The following TIAM2 variants were observed in gnomAD, a reference collection of about 807,000 sequenced individuals.
The protein encoded by TIAM2 is rho guanine nucleotide exchange factor TIAM2.
Under a neutral mutation model 152.9 loss-of-function variants are expected in TIAM2, and 80 were observed. The observed-to-expected ratio is 0.52, with a 90% CI of 0.44 to 0.63. The LOEUF (loss-of-function observed/expected upper bound fraction) is 0.63. Among genes scored for constraint, TIAM2 ranks in the 30% least tolerant of loss-of-function variants. The pLI, the probability that TIAM2 is intolerant of heterozygous loss-of-function variation, is 0.00. For missense variants in TIAM2, 1,965 were observed against 2,120.1 expected (o/e 0.93, Z 1.44); for synonymous variants, 804 against 838.0 (o/e 0.96, Z 0.70).
intron 1 of TIAM2, among the ~76,000 whole-genome samples, chr6:155,011,418 T>C (rs927375249): frequency 4.2e-3 from 14 of 3,370 alleles, no homozygotes; most frequent in African/African-American, 6.3e-3. Context: ...CTGTGGCTTC[T>C]CAATTTTCAT....
chr6:155,240,447 G>A lies in TIAM2; in HGVS notation c.3169-83G>A, dbSNP rs760511746. 7.3e-5 allele frequency: 105 copies of A among 1,440,082 alleles called. 1 individual carries two copies. The highest frequency in any genetic ancestry group is 9.5e-5 in the Non-Finnish European group (101 of 1,068,528). The allele number at this position is 1,440,082 out of a possible 1,614,324, so 89.2% of individuals were successfully genotyped here. On this transcript the variant is annotated intron_variant, in intron 15 of 26. Transcript: ENST00000682666. ...TCTGAGATCCCTGCTGAGCACAGAC[G>A]GAGACACTTGGTGCCCTTGGGGGCA...
intron 19 of TIAM2, among the ~76,000 whole-genome samples, chr6:155,246,126 A>C (rs1429427389): frequency 6.6e-6 from 1 of 151,216 alleles, no homozygotes; most frequent in Non-Finnish European, 1.5e-5. Context: ...ACAGCCTACC[A>C]CGAAACTCAC....
At chr6:155,178,899 C>A in intron 10 of TIAM2, 140 bp from the exon 11 acceptor site, 1 of 683,798 alleles carries the variant, frequency 1.5e-6, no homozygotes. Context: ...TAAATTCGAG[C>A]TCTTATATAG....
At chr6:155,103,455 A>G (rs906354734) in intron 2 of TIAM2, among the ~76,000 whole-genome samples, 1 of 151,334 alleles carries the variant, frequency 6.6e-6, no homozygotes. Flanking sequence ...CGGGCGCGGT[A>G]GCTCACGCCT....
At chr6:155,040,026 C>A (rs1776991355) in intron 1 of TIAM2, among the ~76,000 whole-genome samples, 2 of 152,100 alleles carry the variant, frequency 1.3e-5, no homozygotes, top group Admixed American at 1.3e-4. Flanking sequence ...TACAAAGTGA[C>A]CCTTGACCAA....
intron 10 of TIAM2, among the ~76,000 whole-genome samples, chr6:155,177,948 T>C (rs111667204): frequency 0.024 from 3,666 of 151,746 alleles, 138 homozygotes; most frequent in African/African-American, 0.082. Flanking sequence ...GCCGAGGAGG[T>C]CAGGAGATCG....
Position 155,183,430 on chromosome 6 carries a change from G to A in TIAM2, c.2994G>A (p.Leu998=), listed in dbSNP as rs142130168. Residue 998 remains leucine, a synonymous_variant, in exon 14 of 27, where the codon CTG becomes CTA. Coordinates refer to ENST00000682666, the MANE Select transcript of TIAM2 (RefSeq NM_012454.4). ...TGTTCTCCAGGGACCAGAAGAGTCT[G>A]CTGCCCCCTCCTAACCAGTCCCAAC... is the stretch of plus-strand genomic sequence containing the variant. ...SDLFSRDQKS[L]LPPPNQSQLL... The A allele has an allele frequency of 2.2e-4, 358 of 1,614,136 alleles. No homozygotes were observed. In the African/African-American group the frequency reaches 3.9e-3, roughly 18 times the overall value.
rs562964282 is a variant in TIAM2 at position 155,145,572 on chromosome 6, G to A, written c.1803+794G>A. Among the ~76,000 whole-genome samples, 23 of 152,242 alleles carry A rather than the reference G, an allele frequency of 1.5e-4. No homozygotes were observed. The East Asian group carries it at 4.4e-3, about 29-fold the overall frequency. On this transcript the variant is annotated intron_variant, in intron 6 of 26. Coordinates refer to ENST00000682666, the MANE Select transcript of TIAM2 (RefSeq NM_012454.4). ...ATTAATTCAGAACAGGTGAGAGTGA[G>A]AGCTGGGAAGTGAAGTGTGCTTCTT...
In TIAM2 at chr6:155,164,521, T is replaced by C; in HGVS notation, c.2135T>C (p.Leu712Pro). The C allele has an allele frequency of 6.2e-7, 1 of 1,614,120 alleles. No individual in the cohort carries two copies. The highest frequency in any genetic ancestry group is 8.5e-7 in the Non-Finnish European group (1 of 1,180,020). Reference protein sequence around the residue: ...QGGELPNPKSLLAAASRPSKL... With the variant: ...QGGELPNPKSPLAAASRPSKL... ...GGGGAGTTACCGAACCCAAAGAGTC[T>C]CCTTGCAGCCGCCAGCCGCCCCTCC... is the stretch of plus-strand genomic sequence containing the variant. The change falls in exon 8 of 27, where the codon CTC becomes CCC. Residue 712 changes from leucine (L) to proline (P), a missense_variant. Around this residue, in one of 3 missense-constraint regions of TIAM2, gnomAD observed 1,025 missense variants for 1,119.4 expected, o/e 0.92. Transcript: ENST00000682666.
At chr6:155,206,152 C>A (rs1781588984) in intron 14 of TIAM2, among the ~76,000 whole-genome samples, 1 of 152,208 alleles carries the variant, frequency 6.6e-6, no homozygotes, top group Non-Finnish European at 1.5e-5. Flanking sequence ...GATGTGTTCC[C>A]CAGTTGTCTG....
intron 1 of TIAM2, among the ~76,000 whole-genome samples, chr6:155,063,218 A>G (rs577795712): frequency 1.3e-5 from 2 of 152,292 alleles, no homozygotes; most frequent in African/African-American, 4.8e-5. Context: ...ATGCAGTAAC[A>G]AGATCTCTGC....
chr6:155,077,141 C>T (rs1424921250), intron 1 of TIAM2, among the ~76,000 whole-genome samples: 3 of 151,918 alleles, frequency 2.0e-5, no homozygotes, highest in Admixed American at 1.3e-4. Flanking sequence ...GTTCTATAAA[C>T]TCCTAAAGCA....
At chr6:155,247,302 G>T (rs776316667) in intron 19 of TIAM2, among the ~76,000 whole-genome samples, 1 of 152,154 alleles carries the variant, frequency 6.6e-6, no homozygotes, top group Non-Finnish European at 1.5e-5. Flanking sequence ...ATGGTGTAGG[G>T]TCTGGATAAC....
rs17086032 is a variant in TIAM2 at position 155,177,041 on chromosome 6, T to C, written c.2523+64T>C. ...AATAATCATTAATGTTGCAATCTTA[T>C]GCCTTCTAAATTCATGTGATATTCA... On this transcript the variant is annotated intron_variant, in intron 10 of 26. Transcript: ENST00000682666. The C allele has an allele frequency of 4.8e-3, 7,381 of 1,525,132 alleles. 274 individuals carry two copies. In the African/African-American group the frequency reaches 0.082, roughly 17 times the overall value. 94.5% of individuals were successfully genotyped at this position (1,525,132 alleles called of 1,614,324 possible).
At chr6:155,155,334 G>A (rs542078752) in intron 7 of TIAM2, among the ~76,000 whole-genome samples, 3 of 151,918 alleles carry the variant, frequency 2.0e-5, no homozygotes, top group South Asian at 2.1e-4. Flanking sequence ...GTGCCACTAC[G>A]TCCTGGTAAT....
Position 155,129,795 on chromosome 6 carries a change from G to T in TIAM2, c.572G>T (p.Cys191Phe). 2 of 1,613,696 alleles carry T rather than the reference G, an allele frequency of 1.2e-6. No individual in the cohort carries two copies. The highest frequency in any genetic ancestry group is 1.7e-6 in the Non-Finnish European group (2 of 1,180,020). ...CCCAGCAAAGTGCCTGCAGAGGACTGCAGTGAGCCGGTGCAGCTGCTGAGG... is the reference window on the plus strand; with the variant it reads ...CCCAGCAAAGTGCCTGCAGAGGACTTCAGTGAGCCGGTGCAGCTGCTGAGG... ...GNPSKVPAED[C>F]SEPVQLLRYS... The change falls in exon 4 of 27, where the codon TGC becomes TTC. Residue 191 changes from cysteine (C) to phenylalanine (F), a missense_variant. Coordinates refer to ENST00000682666, the MANE Select transcript of TIAM2 (RefSeq NM_012454.4). The surrounding 1 kb of genome is among the most constrained non-coding windows in gnomAD (Gnocchi z 4.8).
At chr6:155,031,016 T>G (rs1319419950) in intron 1 of TIAM2, among the ~76,000 whole-genome samples, 1 of 152,218 alleles carries the variant, frequency 6.6e-6, no homozygotes, top group Non-Finnish European at 1.5e-5. Context: ...CTGTTTGCCC[T>G]CCCTGACTGC....
chr6:155,169,470 C>A (rs1780525158), intron 9 of TIAM2, among the ~76,000 whole-genome samples: 1 of 152,188 alleles, frequency 6.6e-6, no homozygotes, highest in Non-Finnish European at 1.5e-5. Context: ...AGTGACATGA[C>A]TAGACTGAAG....
chr6:155,232,079 T>C (rs1016705330), intron 15 of TIAM2, among the ~76,000 whole-genome samples: 3 of 140,918 alleles, frequency 2.1e-5, no homozygotes, highest in Non-Finnish European at 3.1e-5. Flanking sequence ...AGACTCTGTC[T>C]CAAAAACAAA....
Sources: allele counts gnomAD v4.1 joint callset (sites outside exome capture counted in the v4.1 genomes callset), GRCh38; gene constraint gnomAD v4.1.1; regional missense constraint gnomAD v4.1.1; non-coding constraint Gnocchi (gnomAD v3.1); transcripts MANE v1.5; gene names NCBI Gene and HGNC (gene_info 2026-07-23, HGNC 2026-07-21).